Variants in ELAVL2 observed in about 807,000 individuals in gnomAD.
The protein encoded by ELAVL2 is ELAV like RNA binding protein 2, also known as ELAV-like protein 2.
In ELAVL2, 4 loss-of-function variants were observed where a neutral mutation model predicts 34.6. The observed-to-expected ratio is 0.12, with a 90% confidence interval of 0.06 to 0.26. The LOEUF (loss-of-function observed/expected upper bound fraction) is 0.26, where lower values mean the gene tolerates loss of function less well. ELAVL2 is among the 10% of genes least tolerant of loss of function. The pLI is 1.00. For missense variants in ELAVL2, 432 were observed against 442.8 expected (o/e 0.98, Z 0.22); for synonymous variants, 193 against 154.8 (o/e 1.25, Z -1.83).
chr9:23,715,439 C>T (rs575737233), intron 3 of ELAVL2, among the ~76,000 whole-genome samples: 8 of 152,340 alleles, frequency 5.3e-5, no homozygotes, highest in African/African-American at 1.2e-4. Context: ...TGAGCCACCA[C>T]GCCCAGCTAG....
At chr9:23,755,208 A>T (rs2053247612) in intron 2 of ELAVL2, among the ~76,000 whole-genome samples, 1 of 152,158 alleles carries the variant, frequency 6.6e-6, no homozygotes. Flanking sequence ...GGTACTAAAC[A>T]AAAGAGGACA....
chr9:23,705,017 T>A lies in ELAVL2; in HGVS notation c.388A>T (p.Ser130Cys). The A allele has an allele frequency of 6.2e-7, 1 of 1,614,146 alleles. No homozygotes were observed. The highest frequency in any genetic ancestry group is 8.5e-7 in the Non-Finnish European group (1 of 1,180,004). Residue 130 changes from serine to cysteine, a missense_variant, in exon 4 of 7, where the codon AGC becomes TGC. Coordinates refer to ENST00000397312, the MANE Select transcript of ELAVL2 (RefSeq NM_004432.5). Reference sequence around the variant, plus strand: ...TGGGTCATTGTTTTTGGAAGTCCGCTGACATATAAATTTGCATCTCTGATA... The same window carrying A: ...TGGGTCATTGTTTTTGGAAGTCCGCAGACATATAAATTTGCATCTCTGATA... ...ASIRDANLYV[S>C]GLPKTMTQKE... is the part of the protein sequence containing the mutation.
chr9:23,699,925 T>C (rs2036613294), intron 5 of ELAVL2, among the ~76,000 whole-genome samples: 1 of 144,832 alleles, frequency 6.9e-6, no homozygotes, highest in Non-Finnish European at 1.5e-5. Flanking sequence ...CCACCTCTTC[T>C]CCCACGGCAA....
In ELAVL2 at chr9:23,779,979, TAAAAAAAAAAAAAAAAAAAAAAAAAAAAA is replaced by T. The variant is rs61251366; in HGVS notation, c.-15-17759_-15-17731del. Among the ~76,000 whole-genome samples, 210 of 48,274 alleles carry T rather than the reference TAAAAAAAAAAAAAAAAAAAAAAAAAAAAA, an allele frequency of 4.4e-3. 3 individuals are homozygous for T. Among genetic ancestry groups the T allele is most frequent in the East Asian group, 0.036 (72 of 1,990 alleles). The allele number at this position is 48,274 out of a possible 152,430, so 31.7% of individuals were successfully genotyped here. ...CCCCAGAATCGGTGATAGTGTTCCT[TAAAAAAAAAAAAAAAAAAAAAAAAAAAAA>T]AAAAAAAAAAAAAAAAAAAAAAAAA... is the stretch of plus-strand genomic sequence containing the variant. On this transcript the variant is annotated intron_variant, in intron 1 of 6. Transcript: ENST00000397312.
chr9:23,737,968 A>G (rs1175976905), intron 2 of ELAVL2, among the ~76,000 whole-genome samples: 3 of 152,216 alleles, frequency 2.0e-5, no homozygotes, highest in Admixed American at 6.5e-5. Context: ...TTTCGTTACA[A>G]AGGGGGAAAA....
rs1344876509 is a variant in ELAVL2 at position 23,711,230 on chromosome 9, G to A, written c.334-6159C>T. Reference sequence around the variant, plus strand: ...AAAGGTTAGGGCAGTTATCTTTAACGGATATTCCAAAATATAGGATTTAGA... The same window carrying A: ...AAAGGTTAGGGCAGTTATCTTTAACAGATATTCCAAAATATAGGATTTAGA... On this transcript the variant is annotated intron_variant, in intron 3 of 6. Coordinates refer to ENST00000397312, the MANE Select transcript of ELAVL2 (RefSeq NM_004432.5). Among the ~76,000 whole-genome samples, 3 of 152,152 alleles carry A rather than the reference G, an allele frequency of 2.0e-5. No homozygotes were observed. The East Asian group carries it at 5.8e-4, about 29-fold the overall frequency.
chr9:23,729,924 T>C (rs2046142261), intron 3 of ELAVL2, among the ~76,000 whole-genome samples: 2 of 152,140 alleles, frequency 1.3e-5, no homozygotes, highest in Admixed American at 1.3e-4. Context: ...CTAAGCAAGA[T>C]GGATACTACA....
chr9:23,740,664 T>C (rs1408360779), intron 2 of ELAVL2, among the ~76,000 whole-genome samples: 1 of 152,034 alleles, frequency 6.6e-6, no homozygotes, highest in Non-Finnish European at 1.5e-5. Flanking sequence ...AAAAATGACC[T>C]GAAAGAAAAG....
intron 1 of ELAVL2, among the ~76,000 whole-genome samples, chr9:23,796,697 G>A (rs1260049363): frequency 6.6e-6 from 1 of 152,176 alleles, no homozygotes; most frequent in African/African-American, 2.4e-5. Context: ...TATACGTAGA[G>A]TTAGTTCCCT....
chr9:23,841,536 A>C, the ELAVL2 span, among the ~76,000 whole-genome samples: 2 of 152,040 alleles, frequency 1.3e-5, no homozygotes, highest in Non-Finnish European at 2.9e-5. Context: ...TCATTGAGAC[A>C]ATACTTACTC....
Position 23,691,637 on chromosome 9 carries a change from G to C in ELAVL2, c.*920C>G, listed in dbSNP as rs1020632273. The C allele has an allele frequency of 1.3e-5, 2 of 152,366 alleles. No individual in the cohort carries two copies. Among genetic ancestry groups the C allele is most frequent in the African/African-American group, 2.4e-5 (1 of 41,346 alleles). 9.4% of individuals were successfully genotyped at this position (152,366 alleles called of 1,614,324 possible). On this transcript the variant is annotated 3_prime_UTR_variant, in exon 7 of 7. Coordinates refer to ENST00000397312, the MANE Select transcript of ELAVL2 (RefSeq NM_004432.5). ...TGAGCCACCTATCACATAATAACCA[G>C]GATGATCAGACGCTCCACTGGTGAT...
At chr9:23,726,385 A>C (rs1367820733) in intron 3 of ELAVL2, among the ~76,000 whole-genome samples, 1 of 152,158 alleles carries the variant, frequency 6.6e-6, no homozygotes, top group African/African-American at 2.4e-5. Context: ...TAGCTGAATG[A>C]TTAAGGAAAA....
chr9:23,712,558 G>A (rs1663312368), intron 3 of ELAVL2, among the ~76,000 whole-genome samples: 1 of 152,100 alleles, frequency 6.6e-6, no homozygotes, highest in Non-Finnish European at 1.5e-5. Context: ...GAGTTGAAGA[G>A]AAAAATCAAA....
At chr9:23,763,251 G>C (rs190964563) in intron 1 of ELAVL2, among the ~76,000 whole-genome samples, 83 of 152,192 alleles carry the variant, frequency 5.5e-4, no homozygotes, top group African/African-American at 1.5e-3. Flanking sequence ...GCCTCAAACT[G>C]TTCAGGCTAC....
intron 2 of ELAVL2, among the ~76,000 whole-genome samples, chr9:23,736,596 G>T (rs970282966): frequency 6.6e-6 from 1 of 152,160 alleles, no homozygotes; most frequent in Non-Finnish European, 1.5e-5. Flanking sequence ...CAGTGAAGAT[G>T]TGCAAGACGT....
At chr9:23,713,103 G>A (rs149364295) in intron 3 of ELAVL2, among the ~76,000 whole-genome samples, 12 of 152,268 alleles carry the variant, frequency 7.9e-5, no homozygotes, top group Admixed American at 1.3e-4. Flanking sequence ...CAGGCATCTC[G>A]TTTTTAGTAA....
At chr9:23,694,439 T>A (rs2034379561) in intron 5 of ELAVL2, among the ~76,000 whole-genome samples, 1 of 152,224 alleles carries the variant, frequency 6.6e-6, no homozygotes, top group African/African-American at 2.4e-5. Flanking sequence ...ACTAATTATG[T>A]GTTCTGAGGA....
rs374593825 is a variant in ELAVL2 at position 23,801,978 on chromosome 9, G to A, written c.-16+23828C>T. 3.9e-5 allele frequency among the ~76,000 whole-genome samples: 6 copies of A among 152,110 alleles called. No individual in the cohort carries two copies. In the East Asian group the frequency reaches 5.8e-4, roughly 15 times the overall value. On this transcript the variant is annotated intron_variant, in intron 1 of 6. Coordinates refer to ENST00000397312, the MANE Select transcript of ELAVL2 (RefSeq NM_004432.5). ...ACCCACCTAATCTCACGACTAATGC[G>A]GGAAGCTGAAATAAATACAGTGGAA...
intron 1 of ELAVL2, among the ~76,000 whole-genome samples, chr9:23,771,033 T>G (rs1170269657): frequency 7.9e-5 from 12 of 152,144 alleles, no homozygotes; most frequent in African/African-American, 2.9e-4. Context: ...ATAAAAGGTT[T>G]TCAGCAAAAG....
Sources: gnomAD v4.1 joint callset for allele counts (sites outside exome capture counted in the v4.1 genomes callset) on GRCh38, gnomAD v4.1.1 for gene constraint, MANE v1.5 for transcripts, NCBI Gene and HGNC (gene_info 2026-07-23, HGNC 2026-07-21) for gene names.